CNBD1: variants seen among roughly 807,000 people sequenced by gnomAD.
The protein encoded by CNBD1 is cyclic nucleotide-binding domain-containing protein 1.
In CNBD1, 71 loss-of-function variants were observed where a neutral mutation model predicts 54.4. That is an observed-to-expected ratio of 1.30 (90% confidence interval 1.08 to 1.59). The LOEUF is 1.59. Ranked by LOEUF, CNBD1 falls within the 40% of genes most tolerant of loss-of-function variation. The pLI, the probability that CNBD1 is intolerant of heterozygous loss-of-function variation, is 0.00. For missense variants in CNBD1, 659 were observed against 518.0 expected (o/e 1.27, Z -2.64); for synonymous variants, 182 against 170.7 (o/e 1.07, Z -0.51).
At chr8:87,077,428 T>A (rs943877998) in intron 4 of CNBD1, among the ~76,000 whole-genome samples, 38 of 150,788 alleles carry the variant, frequency 2.5e-4, no homozygotes, top group Non-Finnish European at 2.1e-4. Context: ...TTTTTTTTTT[T>A]TTATTATACT....
At chr8:87,345,725 A>G (rs1810161878) in intron 8 of CNBD1, among the ~76,000 whole-genome samples, 1 of 151,618 alleles carries the variant, frequency 6.6e-6, no homozygotes, top group African/African-American at 2.4e-5. Flanking sequence ...TAAACATAAA[A>G]AAGACTTAAA....
At chr8:87,117,179 A>G (rs1268742450) in intron 4 of CNBD1, among the ~76,000 whole-genome samples, 1 of 152,072 alleles carries the variant, frequency 6.6e-6, no homozygotes, top group Non-Finnish European at 1.5e-5. Flanking sequence ...CGGGTGGATC[A>G]CGAAGTCAGG....
chr8:86,900,560 A>C (rs1056302688), intron 2 of CNBD1, among the ~76,000 whole-genome samples: 1 of 152,164 alleles, frequency 6.6e-6, no homozygotes, highest in Admixed American at 6.5e-5. Flanking sequence ...CTGGATTTAC[A>C]TTAACAATTA....
chr8:87,011,843 A>G (rs542889712), intron 4 of CNBD1, among the ~76,000 whole-genome samples: 5 of 152,318 alleles, frequency 3.3e-5, no homozygotes, highest in African/African-American at 7.2e-5. Context: ...CAAAAATATT[A>G]GAAGAATAGC....
chr8:87,377,592 G>T (rs545878731), intron 10 of CNBD1, among the ~76,000 whole-genome samples: 68 of 151,580 alleles, frequency 4.5e-4, no homozygotes, highest in Admixed American at 2.1e-3. Flanking sequence ...TTGCTATCGT[G>T]AATAATGCCG....
At chr8:86,963,617 G>C (rs1807992981) in intron 4 of CNBD1, among the ~76,000 whole-genome samples, 1 of 152,170 alleles carries the variant, frequency 6.6e-6, no homozygotes, top group African/African-American at 2.4e-5. Flanking sequence ...GGGAGTCCCA[G>C]TAACTGGGGA....
intron 4 of CNBD1, among the ~76,000 whole-genome samples, chr8:87,026,948 C>A (rs935194308): frequency 6.6e-6 from 1 of 152,104 alleles, no homozygotes. Context: ...AACACCCGGA[C>A]AAAAATGTAT....
At chr8:87,320,277 A>T (rs62526760) in intron 8 of CNBD1, among the ~76,000 whole-genome samples, 6,677 of 152,200 alleles carry the variant, frequency 0.044, 195 homozygotes, top group Non-Finnish European at 0.06. Flanking sequence ...GCATGATAGG[A>T]GTTGCATCCT....
At chr8:87,218,209 A>C (rs1468916920) in intron 5 of CNBD1, among the ~76,000 whole-genome samples, 1 of 152,098 alleles carries the variant, frequency 6.6e-6, no homozygotes, top group Non-Finnish European at 1.5e-5. Flanking sequence ...TTTAATCTGC[A>C]GTGGTTAGAC....
chr8:86,966,936 AGCTGATCAGTCCATTTTACAGAGT>A (rs1808092712), intron 4 of CNBD1, among the ~76,000 whole-genome samples: 1 of 152,086 alleles, frequency 6.6e-6, no homozygotes, highest in East Asian at 1.9e-4. Context: ...TCTTACAGAG[AGCTGATCAGTCCATTTTACAGAGT>A]GCTGATTGGT....
At chr8:87,234,280 T>A (rs889051031) in intron 5 of CNBD1, among the ~76,000 whole-genome samples, 2 of 152,244 alleles carry the variant, frequency 1.3e-5, no homozygotes, top group African/African-American at 4.8e-5. Flanking sequence ...ACAAATGTTC[T>A]TAATGGCATC....
intron 6 of CNBD1, among the ~76,000 whole-genome samples, chr8:87,273,527 G>T (rs2130859987): frequency 6.6e-6 from 1 of 152,086 alleles, no homozygotes; most frequent in Non-Finnish European, 1.5e-5. Context: ...TCAATTCATG[G>T]TTATCAGCCA....
chr8:86,962,638 T>G (rs1040167020), intron 4 of CNBD1, among the ~76,000 whole-genome samples: 2 of 151,946 alleles, frequency 1.3e-5, no homozygotes, highest in African/African-American at 2.4e-5. Context: ...ACAAAAAACT[T>G]AGCTGGGTGT....
chr8:87,418,729 GA>G (rs1443459813), intron 2 of CNBD1, among the ~76,000 whole-genome samples: 1 of 151,692 alleles, frequency 6.6e-6, no homozygotes, highest in Non-Finnish European at 1.5e-5. Flanking sequence ...CAAAGTGGGA[GA>G]AAAACAAGTC....
chr8:86,996,133 A>AT (rs1283721513), intron 4 of CNBD1, among the ~76,000 whole-genome samples: 15 of 151,890 alleles, frequency 9.9e-5, no homozygotes, highest in Admixed American at 1.3e-4. Flanking sequence ...TTATTATTTT[A>AT]TTTTTTTTAA....
chr8:87,277,405 A>T (rs1268758677), intron 6 of CNBD1, among the ~76,000 whole-genome samples: 1 of 151,832 alleles, frequency 6.6e-6, no homozygotes, highest in South Asian at 2.1e-4. Context: ...AATTTAAATC[A>T]GAACTCATCC....
downstream of CNBD1, among the ~76,000 whole-genome samples, chr8:87,387,685 TAGAC>T (rs1811219160): frequency 6.6e-6 from 1 of 152,048 alleles, no homozygotes; most frequent in African/African-American, 2.4e-5. Flanking sequence ...CTGTCAACAT[TAGAC>T]AGATCAATGA....
intron 5 of CNBD1, among the ~76,000 whole-genome samples, chr8:87,219,879 C>T (rs748817987): frequency 1.3e-5 from 2 of 151,826 alleles, no homozygotes; most frequent in Non-Finnish European, 2.9e-5. Flanking sequence ...TATTTTGACT[C>T]ATTAGTATCT....
At chr8:87,320,786 C>T (rs985254648) in intron 8 of CNBD1, among the ~76,000 whole-genome samples, 2 of 152,104 alleles carry the variant, frequency 1.3e-5, no homozygotes, top group African/African-American at 4.8e-5. Context: ...CAACTGCAAT[C>T]ACAATGTTGC....
Sources: allele counts gnomAD v4.1 joint callset (sites outside exome capture counted in the v4.1 genomes callset), GRCh38; gene constraint gnomAD v4.1.1; transcripts MANE v1.5; gene names NCBI Gene and HGNC (gene_info 2026-07-23, HGNC 2026-07-21).